STX11: variants seen among roughly 807,000 people sequenced by gnomAD.
STX11 encodes syntaxin 11, also known as syntaxin-11.
In STX11, 21 loss-of-function variants were observed where a neutral mutation model predicts 19.9. That is an observed-to-expected ratio of 1.06 (90% CI 0.75 to 1.52). The LOEUF (loss-of-function observed/expected upper bound fraction) is 1.52, where lower values mean the gene tolerates loss of function less well. STX11 is among the 40% of genes most tolerant of loss of function. The pLI is 0.00. For missense variants in STX11, 438 were observed against 405.9 expected, an observed-to-expected ratio of 1.08 and a Z score of -0.68; for synonymous variants, 193 against 174.4, an observed-to-expected ratio of 1.11 and a Z score of -0.84.
Position 144,162,579 on chromosome 6 carries a change from C to T in STX11, c.-6+11876C>T, listed in dbSNP as rs1801371680. Among the ~76,000 whole-genome samples the T allele has an allele frequency of 6.6e-6, 1 of 152,192 alleles. No individual in the cohort carries two copies. The highest frequency in any genetic ancestry group is 6.5e-5 in the Admixed American group (1 of 15,274). ...ATATTAAGCTATTAGCACTTACAAGCAGATACATTCATCAGAACAGTTGTT... is the reference window on the plus strand; with the variant it reads ...ATATTAAGCTATTAGCACTTACAAGTAGATACATTCATCAGAACAGTTGTT... On this transcript the variant is annotated intron_variant, in intron 1 of 1. Transcript: ENST00000367568. The surrounding 1 kb of genome is among the most constrained non-coding windows in gnomAD (Gnocchi z 4.6).
chr6:144,151,459 G>C lies in STX11; in HGVS notation c.-6+756G>C. The C allele has an allele frequency of 1.0e-6, 1 of 982,762 alleles. No homozygotes were observed. Among genetic ancestry groups the C allele is most frequent in the Non-Finnish European group, 1.2e-6 (1 of 827,528 alleles). 60.9% of individuals were successfully genotyped at this position (982,762 alleles called of 1,614,324 possible). ...CTCTTAATTGTGAGACTTTGTTAAT[G>C]AACTTTTGAAAAGCGAGGCTTGCTT... On this transcript the variant is annotated intron_variant, in intron 1 of 1. Transcript: ENST00000367568. The surrounding 1 kb of genome is among the most constrained non-coding windows in gnomAD (Gnocchi z 4.6).
chr6:144,184,903 A>G lies in STX11; in HGVS notation c.-5-1720A>G, dbSNP rs1801989846. ...AACCTCTTGTCTGTCATATATTATA[A>G]TTTCTCCCCAGTTGGTGGTTTGTCT... On this transcript the variant is annotated intron_variant, in intron 1 of 1. Transcript: ENST00000367568. This position sits in a 1 kb window ranked among gnomAD's most constrained non-coding sequence, Gnocchi z 6.5. 6.6e-6 allele frequency among the ~76,000 whole-genome samples: 1 copy of G among 152,172 alleles called. No individual in the cohort carries two copies. The highest frequency in any genetic ancestry group is 1.5e-5 in the Non-Finnish European group (1 of 68,028).
At position 144,186,784 on chromosome 6, in the gene STX11, G is replaced by A. The variant is rs749246568; in HGVS notation, c.157G>A (p.Asp53Asn). Residue 53 changes from aspartate (D) to asparagine (N), a missense_variant, in exon 2 of 2, where the codon GAT becomes AAT. Coordinates refer to ENST00000367568, the MANE Select transcript of STX11 (RefSeq NM_003764.4). ...GTACCGAGACATCCGGGACATTCAG[G>A]ATGAAAACCAGCTGCTGGTGGCCGA... ...SLYRDIRDIQDENQLLVADVK... is the reference protein window; with the variant it reads ...SLYRDIRDIQNENQLLVADVK... 4.5e-5 allele frequency: 73 copies of A among 1,613,900 alleles called. No individual in the cohort carries two copies. In the South Asian group the frequency reaches 7.9e-4, roughly 17 times the overall value.
the STX11 span, among the ~76,000 whole-genome samples, chr6:144,140,209 C>CATAA: frequency 3.8e-4 from 17 of 44,432 alleles, no homozygotes; most frequent in African/African-American, 1.4e-3. Flanking sequence ...GGTCAATTCA[C>CATAA]ATATATATAT....
At chr6:144,157,558 T>C (rs573845955) in intron 1 of STX11, among the ~76,000 whole-genome samples, 4 of 152,254 alleles carry the variant, frequency 2.6e-5, no homozygotes, top group East Asian at 1.9e-4. Flanking sequence ...GCCCAGAAAG[T>C]TGTCATTTTT....
At chr6:144,149,938 T>C (rs1281692831), upstream of STX11, among the ~76,000 whole-genome samples, 1 of 152,014 alleles carries the variant, frequency 6.6e-6, no homozygotes, top group Admixed American at 6.5e-5. This position sits in a 1 kb window ranked among gnomAD's most constrained non-coding sequence, Gnocchi z 5.1. Flanking sequence ...TTGAGCGCGG[T>C]GGGCACACAA....
Position 144,154,947 on chromosome 6 carries a change from ACCGCCTCCAAAAAAATGAT to A in STX11, c.-6+4247_-6+4265del, listed in dbSNP as rs1398764664. ...CCAACAACCCTGTCCACCCGCCCCC[ACCGCCTCCAAAAAAATGAT>A]CCCAACTCTTAACTGTTCTCATTGT... On this transcript the variant is annotated intron_variant, in intron 1 of 1. Coordinates refer to ENST00000367568, the MANE Select transcript of STX11 (RefSeq NM_003764.4). This position sits in a 1 kb window ranked among gnomAD's most constrained non-coding sequence, Gnocchi z 4.7. Among the ~76,000 whole-genome samples the A allele has an allele frequency of 1.3e-5, 2 of 151,836 alleles. No homozygotes were observed. The highest frequency in any genetic ancestry group is 2.9e-5 in the Non-Finnish European group (2 of 67,956).
the STX11 span, among the ~76,000 whole-genome samples, chr6:144,140,214 ATATATATATAT>A: frequency 0.032 from 2,753 of 85,116 alleles, 142 homozygotes; most frequent in African/African-American, 0.087. Flanking sequence ...ATTCACATAT[ATATATATATAT>A]ATATATATAT....
chr6:144,154,890 T>G lies in STX11; in HGVS notation c.-6+4187T>G, dbSNP rs570199719. Among the ~76,000 whole-genome samples, 1 of 152,316 alleles carries G rather than the reference T, an allele frequency of 6.6e-6. No individual in the cohort carries two copies. Among genetic ancestry groups the G allele is most frequent in the African/African-American group, 2.4e-5 (1 of 41,572 alleles). On this transcript the variant is annotated intron_variant, in intron 1 of 1. Coordinates refer to ENST00000367568, the MANE Select transcript of STX11 (RefSeq NM_003764.4). The surrounding 1 kb of genome is among the most constrained non-coding windows in gnomAD (Gnocchi z 4.7). ...TTGCTTTCCATTTGGGGCACCTGGGTAGATTCTTTTGTCTGAACAGCAGTA... is the reference window on the plus strand; with the variant it reads ...TTGCTTTCCATTTGGGGCACCTGGGGAGATTCTTTTGTCTGAACAGCAGTA...
At position 144,187,125 on chromosome 6, in the gene STX11, G is replaced by C; in HGVS notation, c.498G>C (p.Glu166Asp). ...NCKIRIQRQLEIMGKEVSGDQ... is the reference protein window; with the variant it reads ...NCKIRIQRQLDIMGKEVSGDQ... The stretch of plus-strand genomic sequence containing the variant: ...AGATCCGCATCCAGCGCCAGCTGGA[G>C]ATCATGGGCAAGGAAGTCTCGGGCG... The change falls in exon 2 of 2, where the codon GAG becomes GAC. Residue 166 changes from glutamate (E) to aspartate (D), a missense_variant. By Grantham distance (45) the Glu-to-Asp change is conservative. Coordinates refer to ENST00000367568, the MANE Select transcript of STX11 (RefSeq NM_003764.4). The surrounding 1 kb of genome is among the most constrained non-coding windows in gnomAD (Gnocchi z 5.6). 6.2e-7 allele frequency: 1 copy of C among 1,614,000 alleles called. No individual in the cohort carries two copies. Among genetic ancestry groups the C allele is most frequent in the Non-Finnish European group, 8.5e-7 (1 of 1,180,022 alleles).
the STX11 span, among the ~76,000 whole-genome samples, chr6:144,141,466 G>A: frequency 6.6e-5 from 10 of 152,242 alleles, no homozygotes; most frequent in Non-Finnish European, 1.0e-4. Flanking sequence ...CCCTATTGGC[G>A]TATCAAGCTT....
rs1252051235 is a variant in STX11 at position 144,190,358 on chromosome 6, A to T, written c.*2867A>T. Among the ~76,000 whole-genome samples the T allele has an allele frequency of 6.6e-6, 1 of 152,222 alleles. No individual in the cohort carries two copies. Among genetic ancestry groups the T allele is most frequent in the African/African-American group, 2.4e-5 (1 of 41,466 alleles). ...AGCTGTTGTGAAAAGTGATGACTGA[A>T]TATGTAAAAGCACCTAGAACAGTGC... is the stretch of plus-strand genomic sequence containing the variant. On this transcript the variant is annotated 3_prime_UTR_variant, in exon 2 of 2. Coordinates refer to ENST00000367568, the MANE Select transcript of STX11 (RefSeq NM_003764.4).
At chr6:144,168,895 G>A (rs1321868043) in intron 1 of STX11, among the ~76,000 whole-genome samples, 1 of 152,214 alleles carries the variant, frequency 6.6e-6, no homozygotes, top group Non-Finnish European at 1.5e-5. Flanking sequence ...AAAGTACGTG[G>A]CATAAACATT....
In STX11 at chr6:144,153,718, A is replaced by G. The variant is rs1380020812; in HGVS notation, c.-6+3015A>G. 2.0e-5 allele frequency among the ~76,000 whole-genome samples: 3 copies of G among 152,202 alleles called. No homozygotes were observed. Among genetic ancestry groups the G allele is most frequent in the Non-Finnish European group, 2.9e-5 (2 of 68,030 alleles). ...AGATGGGACATTGAAGAAGGCCTGA[A>G]TCGGGCAGTGACAATGCAGATGGGA... is the stretch of plus-strand genomic sequence containing the variant. On this transcript the variant is annotated intron_variant, in intron 1 of 1. Transcript: ENST00000367568. The surrounding 1 kb of genome is among the most constrained non-coding windows in gnomAD (Gnocchi z 5.0).
rs1395433216 is a variant in STX11 at position 144,175,127 on chromosome 6, G to C, written c.-5-11496G>C. ...TAGCTGAGCATGGTGACACATGCCT[G>C]TAGTTTCAGCTACTCAGGAGGCTTA... On this transcript the variant is annotated intron_variant, in intron 1 of 1. Coordinates refer to ENST00000367568, the MANE Select transcript of STX11 (RefSeq NM_003764.4). This position sits in a 1 kb window ranked among gnomAD's most constrained non-coding sequence, Gnocchi z 5.1. Among the ~76,000 whole-genome samples the C allele has an allele frequency of 1.3e-5, 2 of 152,144 alleles. No individual in the cohort carries two copies. The highest frequency in any genetic ancestry group is 4.8e-5 in the African/African-American group (2 of 41,436).
intron 1 of STX11, 60 bp downstream of exon 1, chr6:144,150,763 A>G: frequency 3.2e-5 from 5 of 154,182 alleles, no homozygotes; most frequent in Non-Finnish European, 5.5e-5. Context: ...CCGTGCGCGG[A>G]GAGATCGGGG....
chr6:144,140,368 C>T, the STX11 span, among the ~76,000 whole-genome samples: 1 of 151,224 alleles, frequency 6.6e-6, no homozygotes, highest in African/African-American at 2.4e-5. Context: ...GATTCTCCTG[C>T]CTCAGCCTCC....
At chr6:144,147,862 T>C (rs1800904593), upstream of STX11, among the ~76,000 whole-genome samples, 1 of 152,124 alleles carries the variant, frequency 6.6e-6, no homozygotes. The surrounding 1 kb of genome is among the most constrained non-coding windows in gnomAD (Gnocchi z 4.2). Context: ...ACCATGATCA[T>C]GCCACTGCAC....
rs1219714111 is a variant in STX11 at position 144,188,071 on chromosome 6, CACTT to C, written c.*584_*587del. On this transcript the variant is annotated 3_prime_UTR_variant, in exon 2 of 2. Coordinates refer to ENST00000367568, the MANE Select transcript of STX11 (RefSeq NM_003764.4). Reference sequence around the variant, plus strand: ...CCCTACTTATTAAAATCACACCAAACACTTACTATTTTCTTATCTCTTTCACTTT... The same window carrying C: ...CCCTACTTATTAAAATCACACCAAACACTATTTTCTTATCTCTTTCACTTT... 21 of 243,806 alleles carry C rather than the reference CACTT, an allele frequency of 8.6e-5. No individual in the cohort carries two copies. The Admixed American group carries it at 9.0e-4, about 10-fold the overall frequency. 15.1% of individuals were successfully genotyped at this position (243,806 alleles called of 1,614,324 possible).
Sources: gnomAD v4.1 joint callset for allele counts (sites outside exome capture counted in the v4.1 genomes callset) on GRCh38, gnomAD v4.1.1 for gene constraint, Gnocchi (gnomAD v3.1) non-coding constraint, MANE v1.5 for transcripts, NCBI Gene and HGNC (gene_info 2026-07-23, HGNC 2026-07-21) for gene names.